Variants in DENND4C observed in about 807,000 individuals in gnomAD.
The protein encoded by DENND4C is DENN domain containing 4C, also known as DENN domain-containing protein 4C.
DENND4C carries 108 observed loss-of-function variants against 203.0 expected under a neutral mutation model. That is an observed-to-expected ratio of 0.53 (90% CI 0.46 to 0.62). The LOEUF (loss-of-function observed/expected upper bound fraction) is 0.62. Ranked by LOEUF, DENND4C falls within the 20% of genes least tolerant of loss-of-function variation. The pLI, the probability that DENND4C is intolerant of heterozygous loss-of-function variation, is 0.00. For missense variants in DENND4C, 2,481 were observed against 2,301.2 expected (o/e 1.08, Z -1.60); for synonymous variants, 871 against 792.4 (o/e 1.10, Z -1.67).
At position 19,336,669 on chromosome 9, in the gene DENND4C, ATTG is replaced by A. The variant is rs1216044111; in HGVS notation, c.2735-15_2735-13del. ...TCAATGCATGAGTTATTGAACTGCT[ATTG>A]TCCTTATCTTTAGCTCTTCAAAATG... is the stretch of plus-strand genomic sequence containing the variant. On this transcript the variant is annotated splice_polypyrimidine_tract_variant and intron_variant, in intron 19 of 32. Coordinates refer to ENST00000434457, the MANE Select transcript of DENND4C (RefSeq NM_001330640.2). The A allele has an allele frequency of 2.6e-6, 4 of 1,549,172 alleles. No individual in the cohort carries two copies. The highest frequency in any genetic ancestry group is 1.7e-4 in the Middle Eastern group (1 of 6,000).
intron 3 of DENND4C, among the ~76,000 whole-genome samples, chr9:19,287,281 C>T (rs1835379227): frequency 6.6e-6 from 1 of 152,160 alleles, no homozygotes; most frequent in Non-Finnish European, 1.5e-5. Flanking sequence ...GTTTTATTCA[C>T]TTTTGGATTT....
At chr9:19,235,060 A>G (rs1401105681) in intron 1 of DENND4C, among the ~76,000 whole-genome samples, 1 of 151,330 alleles carries the variant, frequency 6.6e-6, no homozygotes, top group Non-Finnish European at 1.5e-5. Flanking sequence ...GGCCTCCCAG[A>G]TGAAGCAATT....
At chr9:19,304,271 G>C (rs1233465017) in intron 9 of DENND4C, among the ~76,000 whole-genome samples, 2 of 148,106 alleles carry the variant, frequency 1.4e-5, no homozygotes, top group Non-Finnish European at 3.0e-5. Context: ...TGCAACCTCT[G>C]CCTCCCGGGT....
chr9:19,371,760 T>G lies in DENND4C; in HGVS notation c.5680T>G (p.Leu1894Val). The G allele has an allele frequency of 7.0e-7, 1 of 1,426,312 alleles. No homozygotes were observed. 88.4% of individuals were successfully genotyped at this position (1,426,312 alleles called of 1,614,324 possible). A position where few individuals can be genotyped will look rare whatever the true frequency, so the allele number is the denominator to read the frequency against. ...MKPGMKRQRSLYREILFLSLV... is the reference protein window; with the variant it reads ...MKPGMKRQRSVYREILFLSLV... The stretch of plus-strand genomic sequence containing the variant: ...TAAAACATATTTGTTTTATAGGAGT[T>G]TATACAGAGAAATCCTCTTCTTATC... The change falls in exon 32 of 33, where the codon TTA becomes GTA. Residue 1894 changes from leucine (L) to valine (V), a missense_variant. Leu to Val is a conservative substitution (Grantham distance 32, BLOSUM62 1). Transcript: ENST00000434457.
At chr9:19,234,389 C>A (rs768518109) in intron 1 of DENND4C, among the ~76,000 whole-genome samples, 2 of 151,994 alleles carry the variant, frequency 1.3e-5, no homozygotes, top group Non-Finnish European at 2.9e-5. Context: ...TGCCACCACG[C>A]CTGGCTAAAT....
chr9:19,287,670 C>T (rs984221599), intron 3 of DENND4C, among the ~76,000 whole-genome samples: 2 of 151,860 alleles, frequency 1.3e-5, no homozygotes, highest in Non-Finnish European at 2.9e-5. Context: ...GAGACAGGGT[C>T]TCCTTAAGTT....
intron 1 of DENND4C, among the ~76,000 whole-genome samples, chr9:19,233,179 C>A (rs1002400296): frequency 2.0e-5 from 3 of 152,096 alleles, no homozygotes. Context: ...AACGGAATTT[C>A]TGTCATAATT....
At chr9:19,264,527 G>T (rs1216738311) in intron 1 of DENND4C, among the ~76,000 whole-genome samples, 1 of 151,782 alleles carries the variant, frequency 6.6e-6, no homozygotes, top group African/African-American at 2.4e-5. Flanking sequence ...GGCTGGTCTT[G>T]AACTCCTCAC....
intron 1 of DENND4C, among the ~76,000 whole-genome samples, chr9:19,254,856 G>T (rs1380479606): frequency 1.3e-5 from 2 of 152,174 alleles, no homozygotes; most frequent in Non-Finnish European, 2.9e-5. Context: ...CCGGGACCGG[G>T]TGTGGGGGCT....
intron 1 of DENND4C, among the ~76,000 whole-genome samples, chr9:19,261,874 A>AT (rs141035074): frequency 0.059 from 8,996 of 151,482 alleles, 378 homozygotes; most frequent in East Asian, 0.26. Flanking sequence ...AGTTGTAGCA[A>AT]TTTTTTACTT....
At chr9:19,246,032 C>T (rs558246348) in intron 1 of DENND4C, among the ~76,000 whole-genome samples, 23 of 151,972 alleles carry the variant, frequency 1.5e-4, no homozygotes, top group African/African-American at 3.9e-4. Context: ...CCAGTAGCTA[C>T]GCCATTTTTT....
At chr9:19,299,195 T>G in intron 7 of DENND4C, 34 bp from the exon 8 acceptor site, 1 of 1,495,952 alleles carries the variant, frequency 6.7e-7, no homozygotes, top group South Asian at 1.3e-5. Context: ...GGTTAATTTA[T>G]CTTTGGTTAA....
intron 1 of DENND4C, among the ~76,000 whole-genome samples, chr9:19,233,140 G>T (rs1195847890): frequency 6.6e-6 from 1 of 152,108 alleles, no homozygotes; most frequent in Non-Finnish European, 1.5e-5. Context: ...TCAGTGGCAG[G>T]TTGTTTCATT....
intron 2 of DENND4C, among the ~76,000 whole-genome samples, 200 bp from the exon 3 acceptor site, chr9:19,286,569 A>T (rs1835261489): frequency 1.3e-5 from 2 of 152,154 alleles, no homozygotes. Flanking sequence ...AATAGTTTAG[A>T]GACTTGTAGT....
At chr9:19,359,221 CATT>C (rs1825977873) in intron 28 of DENND4C, among the ~76,000 whole-genome samples, 1 of 151,646 alleles carries the variant, frequency 6.6e-6, no homozygotes, top group Non-Finnish European at 1.5e-5. Flanking sequence ...ATTATGAGCT[CATT>C]GATTTCAACA....
intron 10 of DENND4C, among the ~76,000 whole-genome samples, chr9:19,307,393 CAAAAAAAAAAA>C (rs753710246): frequency 1.7e-5 from 1 of 58,424 alleles, no homozygotes; most frequent in South Asian, 5.6e-4. Context: ...GACTCTGTCT[CAAAAAAAAAAA>C]AAAAAAAAAG....
intron 12 of DENND4C, among the ~76,000 whole-genome samples, chr9:19,323,491 G>A (rs1028671421): frequency 6.6e-6 from 1 of 152,072 alleles, no homozygotes; most frequent in Admixed American, 6.6e-5. Flanking sequence ...GTGCTTCTGG[G>A]TGTGGAAGAA....
chr9:19,260,697 T>G (rs569720460), intron 1 of DENND4C, among the ~76,000 whole-genome samples: 1 of 152,322 alleles, frequency 6.6e-6, no homozygotes, highest in South Asian at 2.1e-4. Context: ...ATGCTCGGCC[T>G]ATGTTCTGGT....
At chr9:19,260,371 G>GGTTATGTTATGTTGTTAT (rs1554712537) in intron 1 of DENND4C, among the ~76,000 whole-genome samples, 1 of 147,076 alleles carries the variant, frequency 6.8e-6, no homozygotes, top group African/African-American at 2.5e-5. Flanking sequence ...TATATGTTCT[G>GGTTATGTTATGTTGTTAT]GTTATGTTAT....
Sources: gnomAD v4.1 joint callset for allele counts (sites outside exome capture counted in the v4.1 genomes callset) on GRCh38, gnomAD v4.1.1 for gene constraint, MANE v1.5 for transcripts, NCBI Gene and HGNC (gene_info 2026-07-23, HGNC 2026-07-21) for gene names.